The following DIAPH2 variants were observed in gnomAD, a reference collection of about 807,000 sequenced individuals.
DIAPH2 encodes the protein protein diaphanous homolog 2.
A neutral mutation model predicts 92.7 loss-of-function variants in DIAPH2; 35 were observed. That is an observed-to-expected ratio of 0.38 (90% CI 0.29 to 0.50). The LOEUF (loss-of-function observed/expected upper bound fraction) is 0.50. DIAPH2 is among the 20% of genes least tolerant of loss of function. DIAPH2 has a pLI of 0.94. For missense variants in DIAPH2, 701 were observed against 819.5 expected (o/e 0.86, Z 1.77); for synonymous variants, 301 against 280.4 (o/e 1.07, Z -0.73).
intron 25 of DIAPH2, among the ~76,000 whole-genome samples, chrX:97,424,266 A>G (rs1000210900): frequency 2.5e-4 from 28 of 111,910 alleles, no homozygotes; most frequent in African/African-American, 8.4e-4. Context: ...GATATTTACA[A>G]AAATTTTTTT....
rs1414660908 is a variant in DIAPH2, at chrX:97,565,995, C to T, written c.3242-33258C>T. Among the ~76,000 whole-genome samples, 4 of 112,209 alleles carry T rather than the reference C, an allele frequency of 3.6e-5. No individual in the cohort carries two copies. In the Admixed American group the frequency reaches 3.8e-4, roughly 11 times the overall value. ...AAGGCTTGTTTACAATGATCTCCAA[C>T]ACTTAGTACTATGACGTCACACCCT... is the stretch of plus-strand genomic sequence containing the variant. On this transcript the variant is annotated intron_variant, in intron 26 of 26. Coordinates refer to ENST00000324765, the MANE Select transcript of DIAPH2 (RefSeq NM_006729.5).
At chrX:97,230,605 A>C (rs1277453523) in intron 22 of DIAPH2, among the ~76,000 whole-genome samples, 1 of 112,250 alleles carries the variant, frequency 8.9e-6, no homozygotes, top group East Asian at 2.8e-4. Flanking sequence ...CCTAGGCTGG[A>C]GTGCAATGGT....
intron 1 of DIAPH2, among the ~76,000 whole-genome samples, chrX:96,700,290 C>G (rs1602435981): frequency 1.8e-5 from 2 of 112,569 alleles, no homozygotes; most frequent in South Asian, 3.7e-4. Flanking sequence ...AGGCCTGAGC[C>G]ATGCATCTGG....
At chrX:97,135,193 CTTTGT>C (rs142293489) in intron 21 of DIAPH2, among the ~76,000 whole-genome samples, 6 of 107,320 alleles carry the variant, frequency 5.6e-5, no homozygotes, top group African/African-American at 6.6e-5. Context: ...AGTAGTTTTG[CTTTGT>C]TTTGTTTTGT....
At chrX:97,510,128 G>A (rs1273105476) in intron 26 of DIAPH2, among the ~76,000 whole-genome samples, 1 of 109,611 alleles carries the variant, frequency 9.1e-6, no homozygotes, top group Non-Finnish European at 1.9e-5. Flanking sequence ...CCCACCAACA[G>A]TGTAAAAGTG....
At chrX:96,917,481 TAA>T (rs760322863) in intron 8 of DIAPH2, among the ~76,000 whole-genome samples, 1 of 111,633 alleles carries the variant, frequency 9.0e-6, no homozygotes, top group East Asian at 2.8e-4. Context: ...ATAACATATG[TAA>T]AAGCAAGGAT....
At chrX:97,442,993 C>T (rs2070274693) in intron 26 of DIAPH2, among the ~76,000 whole-genome samples, 1 of 110,833 alleles carries the variant, frequency 9.0e-6, no homozygotes, top group Non-Finnish European at 1.9e-5. Context: ...AAGGGATTCT[C>T]CCCCACAGCC....
chrX:96,888,153 C>T (rs1602599055), intron 5 of DIAPH2, among the ~76,000 whole-genome samples: 1 of 109,330 alleles, frequency 9.1e-6, no homozygotes, highest in Non-Finnish European at 1.9e-5. Flanking sequence ...CTCTGCCTCC[C>T]AGGTTCAAGT....
intron 22 of DIAPH2, among the ~76,000 whole-genome samples, chrX:97,175,804 G>T (rs1002025923): frequency 1.8e-5 from 2 of 112,303 alleles, no homozygotes; most frequent in East Asian, 5.6e-4. Flanking sequence ...TGACAAGACT[G>T]CAAAGATTAG....
chrX:96,946,323 A>G (rs2065738198), intron 14 of DIAPH2, among the ~76,000 whole-genome samples: 1 of 111,422 alleles, frequency 9.0e-6, no homozygotes, highest in Admixed American at 9.6e-5. Context: ...AAGCATTAGT[A>G]TAGTATTTCT....
intron 21 of DIAPH2, among the ~76,000 whole-genome samples, chrX:97,125,662 G>A (rs754911676): frequency 9.1e-6 from 1 of 109,943 alleles, no homozygotes; most frequent in Non-Finnish European, 1.9e-5. Context: ...ATTAAATACA[G>A]ATACATTTTC....
intron 4 of DIAPH2, among the ~76,000 whole-genome samples, chrX:96,790,488 A>C (rs1223974837): frequency 9.0e-6 from 1 of 111,493 alleles, no homozygotes; most frequent in East Asian, 2.8e-4. Context: ...ACATTTTCTG[A>C]TTGTAAAGGT....
intron 20 of DIAPH2, among the ~76,000 whole-genome samples, chrX:97,100,447 T>C (rs1174310396): frequency 8.9e-6 from 1 of 111,827 alleles, no homozygotes; most frequent in Non-Finnish European, 1.9e-5. Flanking sequence ...TTCAAGATTA[T>C]AGTTATATTT....
At chrX:97,132,091 C>T (rs1048592743) in intron 21 of DIAPH2, among the ~76,000 whole-genome samples, 47 of 112,189 alleles carry the variant, frequency 4.2e-4, no homozygotes, top group African/African-American at 1.5e-3. Flanking sequence ...ATCCTTATTC[C>T]ATTTAATGTT....
At chrX:96,984,280 C>T (rs1276572869) in intron 17 of DIAPH2, among the ~76,000 whole-genome samples, 1 of 111,537 alleles carries the variant, frequency 9.0e-6, no homozygotes, top group East Asian at 2.8e-4. Flanking sequence ...AACAATCAAC[C>T]TCTGGTCAGA....
At chrX:97,318,467 CT>C (rs1385150351) in intron 23 of DIAPH2, among the ~76,000 whole-genome samples, 3 of 57,410 alleles carry the variant, frequency 5.2e-5, no homozygotes, top group East Asian at 5.0e-4. Context: ...TTACAGTTTT[CT>C]TTTTTTTTCT....
intron 22 of DIAPH2, among the ~76,000 whole-genome samples, chrX:97,230,885 G>T (rs1422224463): frequency 8.9e-6 from 1 of 112,235 alleles, no homozygotes; most frequent in Non-Finnish European, 1.9e-5. Context: ...GATCAGAGAG[G>T]CAGGTGATAT....
intron 26 of DIAPH2, among the ~76,000 whole-genome samples, chrX:97,457,920 C>T (rs2070422124): frequency 9.0e-6 from 1 of 111,582 alleles, no homozygotes; most frequent in Non-Finnish European, 1.9e-5. Context: ...GTCCCAGCCC[C>T]CAGAACTGTG....
At chrX:97,412,407 T>A (rs1164769207) in intron 25 of DIAPH2, among the ~76,000 whole-genome samples, 1 of 111,988 alleles carries the variant, frequency 8.9e-6, no homozygotes, top group Non-Finnish European at 1.9e-5. Flanking sequence ...TAAAGCAGCA[T>A]GTAGAGGAAA....
Sources: gnomAD v4.1 joint callset for allele counts (sites outside exome capture counted in the v4.1 genomes callset) on GRCh38, gnomAD v4.1.1 for gene constraint, MANE v1.5 for transcripts, NCBI Gene and HGNC (gene_info 2026-07-23, HGNC 2026-07-21) for gene names.